Variants in FNDC1 observed in about 807,000 individuals in gnomAD.
FNDC1 encodes fibronectin type III domain containing 1.
FNDC1 carries 96 observed loss-of-function variants against 168.0 expected under a neutral mutation model. The observed-to-expected ratio is 0.57, with a 90% CI of 0.48 to 0.68. FNDC1 has a LOEUF of 0.68. FNDC1 is among the 30% of genes least tolerant of loss of function. FNDC1 has a pLI of 0.00. For missense variants in FNDC1, 2,587 were observed against 2,482.1 expected (o/e 1.04, Z -0.90); for synonymous variants, 1,099 against 1,025.9 (o/e 1.07, Z -1.36).
Position 159,233,046 on chromosome 6 carries a change from C to T in FNDC1, c.2534C>T (p.Pro845Leu), listed in dbSNP as rs1386389469. The change falls in exon 11 of 23, where the codon CCC (proline) becomes CTC (leucine). Residue 845 changes from proline (P) to leucine (L), a missense_variant. Physicochemically the swap from Pro to Leu is moderately conservative, Grantham distance 98 (BLOSUM62 -3). Coordinates refer to ENST00000297267, the MANE Select transcript of FNDC1 (RefSeq NM_032532.3). The surrounding 1 kb of genome is among the most constrained non-coding windows in gnomAD (Gnocchi z 4.6). ...FSIGRGPRLQ[P>L]SSSPQSTVPS... The stretch of plus-strand genomic sequence containing the variant: ...ATTGGGCGGGGACCTCGGCTGCAGC[C>T]CTCCAGCTCCCCACAGTCGACTGTG... The T allele has an allele frequency of 3.7e-6, 6 of 1,611,040 alleles. No individual in the cohort carries two copies. The African/African-American group carries it at 6.7e-5, about 18-fold the overall frequency.
intron 11 of FNDC1, among the ~76,000 whole-genome samples, chr6:159,234,749 C>T (rs965658281): frequency 5.9e-5 from 9 of 152,218 alleles, no homozygotes; most frequent in African/African-American, 1.9e-4. Flanking sequence ...TTCCAAATGG[C>T]CTAATTTCAC....
chr6:159,234,542 A>T, intron 11 of FNDC1, 63 bp downstream of exon 11: 1 of 1,512,592 alleles, frequency 6.6e-7, no homozygotes, highest in Non-Finnish European at 9.1e-7. Flanking sequence ...GCAATGCCTA[A>T]GAAGTTTTTA....
chr6:159,233,463 C>A lies in FNDC1; in HGVS notation c.2951C>A (p.Ala984Glu). ...GCGTCCCCTGCTCGTCCGCCCGCAG[C>A]ACGGTCACAGCAGCATCCCAGTGTT... is the stretch of plus-strand genomic sequence containing the variant. ...RHASPARPPA[A>E]RSQQHPSVPR... Residue 984 changes from alanine to glutamate, a missense_variant, in exon 11 of 23, where the codon GCA becomes GAA. Ala to Glu is a moderately radical substitution (Grantham distance 107, BLOSUM62 -1). Coordinates refer to ENST00000297267, the MANE Select transcript of FNDC1 (RefSeq NM_032532.3). This position sits in a 1 kb window ranked among gnomAD's most constrained non-coding sequence, Gnocchi z 4.6. 1 of 1,606,696 alleles carries A rather than the reference C, an allele frequency of 6.2e-7. No individual in the cohort carries two copies. The highest frequency in any genetic ancestry group is 8.5e-7 in the Non-Finnish European group (1 of 1,178,794).
intron 17 of FNDC1, among the ~76,000 whole-genome samples, chr6:159,254,539 C>G (rs1025541159): frequency 1.3e-5 from 2 of 151,988 alleles, no homozygotes; most frequent in African/African-American, 4.8e-5. Context: ...AACTCTGTCT[C>G]TACTAAACAT....
chr6:159,211,631 C>T (rs1236311032), intron 4 of FNDC1, among the ~76,000 whole-genome samples: 1 of 152,010 alleles, frequency 6.6e-6, no homozygotes, highest in Non-Finnish European at 1.5e-5. Flanking sequence ...ATTCACGGCT[C>T]CCATTCTGAA....
In FNDC1 at chr6:159,232,234, C is replaced by A. The variant is rs769006448; in HGVS notation, c.1722C>A (p.His574Gln). The A allele has an allele frequency of 1.2e-6, 2 of 1,612,418 alleles. No individual in the cohort carries two copies. Among genetic ancestry groups the A allele is most frequent in the African/African-American group, 2.7e-5 (2 of 74,900 alleles). Residue 574 changes from histidine (H) to glutamine (Q), a missense_variant, in exon 11 of 23, where the codon CAC becomes CAA. By Grantham distance (24) the His-to-Gln change is conservative. Transcript: ENST00000297267. This position sits in a 1 kb window ranked among gnomAD's most constrained non-coding sequence, Gnocchi z 4.9. Reference sequence around the variant, plus strand: ...TGAGGCCGCCAAGTAGACACGGCCACTCGGTGGTTGCTCCCGGCAGGACTG... The same window carrying A: ...TGAGGCCGCCAAGTAGACACGGCCAATCGGTGGTTGCTCCCGGCAGGACTG... ...RTLRPPSRHGHSVVAPGRTAV... is the reference protein window; with the variant it reads ...RTLRPPSRHGQSVVAPGRTAV...
chr6:159,208,045 T>C (rs1390537659), intron 4 of FNDC1, among the ~76,000 whole-genome samples: 1 of 152,208 alleles, frequency 6.6e-6, no homozygotes, highest in Non-Finnish European at 1.5e-5. Context: ...GGCTGAGAAC[T>C]AAAGCACCAC....
At chr6:159,192,523 A>G (rs931711941) in intron 1 of FNDC1, among the ~76,000 whole-genome samples, 2 of 152,152 alleles carry the variant, frequency 1.3e-5, no homozygotes, top group South Asian at 2.1e-4. Context: ...TCCACCATGG[A>G]TATGCCTGGA....
At chr6:159,263,113 T>G (rs899220609) in intron 19 of FNDC1, among the ~76,000 whole-genome samples, 1 of 152,218 alleles carries the variant, frequency 6.6e-6, no homozygotes, top group Admixed American at 6.5e-5. Context: ...GGTGTCATTT[T>G]GTTTGTTTCA....
chr6:159,188,697 C>T (rs563049077), intron 1 of FNDC1, among the ~76,000 whole-genome samples: 34 of 151,324 alleles, frequency 2.2e-4, no homozygotes, highest in Admixed American at 5.3e-4. Context: ...TCTTTGAGTG[C>T]GTCCAAATAC....
intron 4 of FNDC1, among the ~76,000 whole-genome samples, chr6:159,208,219 G>A (rs1449688891): frequency 3.3e-5 from 5 of 152,172 alleles, no homozygotes; most frequent in Admixed American, 2.6e-4. Flanking sequence ...CTCAGGGTAG[G>A]ACTGACCCCA....
chr6:159,211,566 C>T (rs1036413061), intron 4 of FNDC1, among the ~76,000 whole-genome samples: 1 of 152,042 alleles, frequency 6.6e-6, no homozygotes, highest in African/African-American at 2.4e-5. Context: ...TTCTTTGAAA[C>T]ATTTTTTTTT....
intron 1 of FNDC1, among the ~76,000 whole-genome samples, chr6:159,177,267 C>T (rs764341501): frequency 5.9e-5 from 9 of 152,146 alleles, no homozygotes; most frequent in Non-Finnish European, 1.3e-4. Context: ...TGGAGATGAG[C>T]ATGTGCCACT....
chr6:159,267,270 C>T (rs1229999064), intron 21 of FNDC1, among the ~76,000 whole-genome samples: 2 of 152,082 alleles, frequency 1.3e-5, no homozygotes, highest in Non-Finnish European at 2.9e-5. Flanking sequence ...CTTTTCCTCC[C>T]CTGCTTCAGA....
At chr6:159,247,604 C>T (rs294910) in intron 15 of FNDC1, among the ~76,000 whole-genome samples, 83,877 of 151,972 alleles carry the variant, frequency 0.55, 26,639 homozygotes, top group Non-Finnish European at 0.7. Flanking sequence ...AAAAAATTAG[C>T]CAGGTATGGG....
chr6:159,209,627 T>G (rs1368751376), intron 4 of FNDC1, among the ~76,000 whole-genome samples: 1 of 152,224 alleles, frequency 6.6e-6, no homozygotes, highest in Non-Finnish European at 1.5e-5. Flanking sequence ...GGATGCTTGC[T>G]GTGGGCAGCA....
At chr6:159,252,572 G>C (rs1195688949) in intron 17 of FNDC1, among the ~76,000 whole-genome samples, 1 of 152,186 alleles carries the variant, frequency 6.6e-6, no homozygotes, top group Non-Finnish European at 1.5e-5. Flanking sequence ...GGGATTAAGG[G>C]GTTCGAGTCT....
intron 9 of FNDC1, among the ~76,000 whole-genome samples, chr6:159,229,372 C>G (rs1468525704): frequency 6.6e-6 from 1 of 152,064 alleles, no homozygotes; most frequent in Non-Finnish European, 1.5e-5. Context: ...AAAAATAACC[C>G]AGGTTAATAA....
intron 14 of FNDC1, 98 bp from the exon 15 acceptor site, chr6:159,246,803 G>C: frequency 1.2e-6 from 1 of 839,272 alleles, no homozygotes; most frequent in Non-Finnish European, 2.0e-6. Flanking sequence ...TTCATGACCT[G>C]CTTGAGGTGA....
Sources: allele counts gnomAD v4.1 joint callset (sites outside exome capture counted in the v4.1 genomes callset), GRCh38; gene constraint gnomAD v4.1.1; non-coding constraint Gnocchi (gnomAD v3.1); transcripts MANE v1.5; gene names NCBI Gene and HGNC (gene_info 2026-07-23, HGNC 2026-07-21).